The following MEG3 variants were observed in gnomAD, a reference collection of about 807,000 sequenced individuals.
MEG3 encodes Very putative protein from MEG3 locus.
chr14:100,840,197 G>T (rs1433022104), intron 2 of MEG3, among the ~76,000 whole-genome samples: 1 of 152,200 alleles, frequency 6.6e-6, no homozygotes, highest in Non-Finnish European at 1.5e-5. Context: ...ATTTCTTTGA[G>T]CTTAAAAATA....
chr14:100,836,596 A>G (rs942516041), intron 2 of MEG3, among the ~76,000 whole-genome samples: 3 of 149,426 alleles, frequency 2.0e-5, no homozygotes, highest in East Asian at 2.0e-4. Flanking sequence ...GGCTCGGGCC[A>G]GGCACTCAGG....
At chr14:100,827,826 G>A (rs1040770771) in intron 1 of MEG3, among the ~76,000 whole-genome samples, 1 of 152,214 alleles carries the variant, frequency 6.6e-6, no homozygotes, top group Non-Finnish European at 1.5e-5. Flanking sequence ...CTGGAGGACT[G>A]GGTCTTTCTG....
intron 2 of MEG3, chr14:100,836,355 C>T (rs1389447874): frequency 4.5e-6 from 2 of 447,394 alleles, no homozygotes; most frequent in Non-Finnish European, 8.9e-6. Flanking sequence ...GCTCATGTCT[C>T]TCCTCTCTGA....
chr14:100,859,510 C>T (rs2038341947), exon 1 of MEG3: 1 of 152,244 alleles, frequency 6.6e-6, no homozygotes, highest in South Asian at 2.1e-4. Context: ...CATGCCCTCC[C>T]TGAGGCTGGA....
At chr14:100,833,702 T>C (rs561386958), downstream of MEG3, 1 of 152,320 alleles carries the variant, frequency 6.6e-6, no homozygotes, top group East Asian at 1.9e-4. Flanking sequence ...GTCTGAAACA[T>C]GCCCTTATTT....
chr14:100,837,728 C>T lies in MEG3; in HGVS notation n.3045+1428C>T, dbSNP rs1003104911. Among the ~76,000 whole-genome samples the T allele has an allele frequency of 6.6e-6, 1 of 151,522 alleles. No homozygotes were observed. The highest frequency in any genetic ancestry group is 6.6e-5 in the Admixed American group (1 of 15,222). On this transcript the variant is annotated intron_variant and non_coding_transcript_variant, in intron 2 of 3. Coordinates refer to the MEG3 transcript ENST00000398461. The surrounding 1 kb of genome is among the most constrained non-coding windows in gnomAD (Gnocchi z 5.8). ...AGCCTCGTAATGCTCTTTAATCAAA[C>T]AGAGGATTTGGAGACAGCTCTCCTG...
chr14:100,834,921 A>G (rs540291451), exon 1 of MEG3: 3 of 410,414 alleles, frequency 7.3e-6, no homozygotes, highest in East Asian at 1.4e-4. Flanking sequence ...CCCTGCATTC[A>G]CCCGCGCGGC....
At chr14:100,860,979 C>T (rs989903193) in exon 2 of MEG3, 10 of 302,024 alleles carry the variant, frequency 3.3e-5, no homozygotes, top group African/African-American at 9.1e-5. Context: ...CAGGGCTTGG[C>T]GCACCCCACT....
downstream of MEG3, chr14:100,834,033 T>A (rs920975575): frequency 6.6e-6 from 1 of 152,294 alleles, no homozygotes; most frequent in Non-Finnish European, 1.5e-5. Flanking sequence ...GGCAAAAGCC[T>A]GAGGCAATCT....
exon 1 of MEG3, chr14:100,859,794 C>G (rs1350192790): frequency 6.6e-6 from 1 of 152,210 alleles, no homozygotes; most frequent in Non-Finnish European, 1.5e-5. Context: ...CCGTTAGAAA[C>G]AGGGTAATTC....
At chr14:100,832,879 ATTCATTCCCT>A (rs2037437642), downstream of MEG3, 1 of 152,294 alleles carries the variant, frequency 6.6e-6, no homozygotes, top group African/African-American at 2.4e-5. Flanking sequence ...TGGCCAGAGC[ATTCATTCCCT>A]TTCTTCAAGA....
intron 2 of MEG3, among the ~76,000 whole-genome samples, chr14:100,841,089 G>GTT (rs2037743619): frequency 6.6e-6 from 1 of 152,190 alleles, no homozygotes; most frequent in Non-Finnish European, 1.5e-5. Context: ...TGCGAGAGAG[G>GTT]GGACGCTTCA....
chr14:100,840,838 G>A (rs561898533), intron 2 of MEG3, among the ~76,000 whole-genome samples: 2 of 152,346 alleles, frequency 1.3e-5, no homozygotes, highest in Non-Finnish European at 2.9e-5. Flanking sequence ...ATGGAAAGTT[G>A]GGGAAGGAGG....
chr14:100,834,997 G>A (rs974320424), exon 1 of MEG3: 8 of 367,676 alleles, frequency 2.2e-5, no homozygotes, highest in East Asian at 7.5e-5. Context: ...CCTGGGCACC[G>A]GCCACCGTAG....
downstream of MEG3, chr14:100,830,726 C>G (rs1007751064): frequency 6.6e-6 from 1 of 152,134 alleles, no homozygotes; most frequent in African/African-American, 2.4e-5. Flanking sequence ...CTCATTTGAC[C>G]AGGAATTTCT....
chr14:100,835,116 C>T, exon 1 of MEG3: 1 of 325,832 alleles, frequency 3.1e-6, no homozygotes, highest in East Asian at 8.1e-5. Flanking sequence ...GGTGTGAGGG[C>T]AGATTCAAGC....
intron 2 of MEG3, among the ~76,000 whole-genome samples, chr14:100,841,923 T>C (rs185416979): frequency 6.6e-6 from 1 of 152,334 alleles, no homozygotes; most frequent in Non-Finnish European, 1.5e-5. Flanking sequence ...AGCGCCTCTG[T>C]TGGCACGGTG....
chr14:100,844,470 T>C (rs922931978), intron 2 of MEG3, among the ~76,000 whole-genome samples: 1 of 138,654 alleles, frequency 7.2e-6, no homozygotes, highest in Non-Finnish European at 1.6e-5. Flanking sequence ...TTTAAATGAA[T>C]AAACTTTTTT....
At chr14:100,844,691 TC>T (rs1207442140) in intron 2 of MEG3, among the ~76,000 whole-genome samples, 1 of 152,162 alleles carries the variant, frequency 6.6e-6, no homozygotes, top group Non-Finnish European at 1.5e-5. Context: ...ATCCTGTGGG[TC>T]TTGACAAATG....
Sources: allele counts gnomAD v4.1 joint callset (sites outside exome capture counted in the v4.1 genomes callset), GRCh38; gene constraint gnomAD v4.1.1; non-coding constraint Gnocchi (gnomAD v3.1); transcripts MANE v1.5; gene names NCBI Gene and HGNC (gene_info 2026-07-23, HGNC 2026-07-21).